The following PRKD1 variants were observed in gnomAD, a reference collection of about 807,000 sequenced individuals.
PRKD1 encodes the protein serine/threonine-protein kinase D1.
In PRKD1, 63 loss-of-function variants were observed where a neutral mutation model predicts 95.9. The ratio of observed to expected loss-of-function variants is 0.66; its 90% confidence interval spans 0.54 to 0.81. The LOEUF is 0.81. Among genes scored for constraint, PRKD1 ranks in the 30% least tolerant of loss-of-function variants. PRKD1 has a pLI of 0.00. For synonymous variants in PRKD1, 425 were observed against 423.1 expected, an observed-to-expected ratio of 1.00 and a Z score of -0.05; for missense variants, 1,048 against 1,165.3, an observed-to-expected ratio of 0.90 and a Z score of 1.47.
At chr14:29,676,391 T>C (rs1340740898) in intron 2 of PRKD1, among the ~76,000 whole-genome samples, 3 of 152,006 alleles carry the variant, frequency 2.0e-5, no homozygotes, top group Admixed American at 2.0e-4. Flanking sequence ...AGTCTCGCTA[T>C]GTCGCCAGGC....
At chr14:29,628,929 T>C (rs1399075965) in intron 11 of PRKD1, 112 bp downstream of exon 11, 1 of 660,990 alleles carries the variant, frequency 1.5e-6, no homozygotes, top group Non-Finnish European at 2.3e-6. Flanking sequence ...AATTCTATTT[T>C]GCTTTCCAAA....
intron 1 of PRKD1, among the ~76,000 whole-genome samples, chr14:29,802,608 C>T (rs1036307883): frequency 1.3e-5 from 2 of 152,166 alleles, no homozygotes; most frequent in Non-Finnish European, 2.9e-5. Context: ...TAAAGGAGAA[C>T]TGTAATTCAG....
intron 1 of PRKD1, among the ~76,000 whole-genome samples, chr14:29,925,325 A>G (rs958042898): frequency 2.0e-5 from 3 of 152,192 alleles, no homozygotes; most frequent in Admixed American, 6.5e-5. Flanking sequence ...TAAAACCTCC[A>G]TACAGCAAAT....
At chr14:29,806,470 A>C (rs1890239014) in intron 1 of PRKD1, among the ~76,000 whole-genome samples, 1 of 152,174 alleles carries the variant, frequency 6.6e-6, no homozygotes, top group South Asian at 2.1e-4. Context: ...AAAATACAAC[A>C]AGTAGATCCA....
chr14:29,592,991 C>T (rs1028699905), intron 16 of PRKD1, among the ~76,000 whole-genome samples: 3 of 152,206 alleles, frequency 2.0e-5, no homozygotes, highest in Non-Finnish European at 1.5e-5. Flanking sequence ...AGAGCATCTG[C>T]CTTGGAGCCA....
chr14:29,887,008 A>G (rs1376063520), intron 1 of PRKD1, among the ~76,000 whole-genome samples: 1 of 152,212 alleles, frequency 6.6e-6, no homozygotes, highest in Non-Finnish European at 1.5e-5. Context: ...GCACATCTCA[A>G]TGGCACATCT....
chr14:29,684,593 CTA>C (rs1319992065), intron 2 of PRKD1, among the ~76,000 whole-genome samples: 1 of 152,126 alleles, frequency 6.6e-6, no homozygotes, highest in Non-Finnish European at 1.5e-5. Flanking sequence ...TCTTCAGATT[CTA>C]AATGAAATCA....
At chr14:29,926,916 T>C (rs1345498955) in intron 1 of PRKD1, among the ~76,000 whole-genome samples, 1 of 151,290 alleles carries the variant, frequency 6.6e-6, no homozygotes, top group Non-Finnish European at 1.5e-5. Flanking sequence ...GGAAGAAAAC[T>C]GGGAAGTCTC....
chr14:29,908,510 C>T lies in PRKD1; in HGVS notation c.264+18739G>A, dbSNP rs1466631163. Reference sequence around the variant, plus strand: ...CTATGTTGGCCAGGCTGGTCTCGAACTTCTGACCTCATGATCCGCCCGCCT... The same window carrying T: ...CTATGTTGGCCAGGCTGGTCTCGAATTTCTGACCTCATGATCCGCCCGCCT... On this transcript the variant is annotated intron_variant, in intron 1 of 17. Transcript: ENST00000331968. 3.3e-5 allele frequency among the ~76,000 whole-genome samples: 5 copies of T among 152,286 alleles called. No individual in the cohort carries two copies. In the South Asian group the frequency reaches 1.0e-3, roughly 32 times the overall value.
At chr14:29,737,166 C>CA (rs1481569153) in intron 1 of PRKD1, among the ~76,000 whole-genome samples, 9 of 149,434 alleles carry the variant, frequency 6.0e-5, no homozygotes, top group African/African-American at 2.2e-4. Context: ...ACTAAAAATA[C>CA]AAAAAATTAG....
At chr14:29,876,825 G>T (rs1337705167) in intron 1 of PRKD1, among the ~76,000 whole-genome samples, 1 of 152,122 alleles carries the variant, frequency 6.6e-6, no homozygotes, top group African/African-American at 2.4e-5. Context: ...AAAGATGTCT[G>T]CAATCATTAG....
intron 2 of PRKD1, among the ~76,000 whole-genome samples, chr14:29,724,354 C>T (rs1594460650): frequency 6.6e-6 from 1 of 152,256 alleles, no homozygotes; most frequent in East Asian, 1.9e-4. Flanking sequence ...AGAACTGATC[C>T]AGTGCATGAT....
intron 1 of PRKD1, among the ~76,000 whole-genome samples, chr14:29,872,512 C>T (rs539140400): frequency 2.4e-4 from 36 of 151,986 alleles, no homozygotes; most frequent in Admixed American, 2.2e-3. Flanking sequence ...ATTAGCCGGG[C>T]ATGGTGGCTT....
Position 29,878,606 on chromosome 14 carries a change from A to T in PRKD1, c.264+48643T>A, listed in dbSNP as rs1027618820. ...GAATGAAGTTCTGATACATGCTACAACATGGATGAGCCTTGAAAACATTAC... is the reference window on the plus strand; with the variant it reads ...GAATGAAGTTCTGATACATGCTACATCATGGATGAGCCTTGAAAACATTAC... On this transcript the variant is annotated intron_variant, in intron 1 of 17. Transcript: ENST00000331968. 2.0e-5 allele frequency among the ~76,000 whole-genome samples: 3 copies of T among 152,360 alleles called. No individual in the cohort carries two copies. In the East Asian group the frequency reaches 5.8e-4, roughly 29 times the overall value.
intron 1 of PRKD1, among the ~76,000 whole-genome samples, chr14:29,923,810 G>GGA (rs1555357223): frequency 5.0e-5 from 5 of 99,990 alleles, no homozygotes; most frequent in Non-Finnish European, 8.4e-5. Flanking sequence ...CTCATTTGAG[G>GGA]AAAAAAAAAA....
chr14:29,916,710 T>C (rs1894902111), intron 1 of PRKD1, among the ~76,000 whole-genome samples: 1 of 152,228 alleles, frequency 6.6e-6, no homozygotes, highest in African/African-American at 2.4e-5. Flanking sequence ...AATGCAAAGA[T>C]GATACCAGCT....
intron 4 of PRKD1, among the ~76,000 whole-genome samples, chr14:29,641,354 C>T (rs1880750378): frequency 6.6e-6 from 1 of 152,164 alleles, no homozygotes; most frequent in Admixed American, 6.5e-5. Flanking sequence ...CCTTTTCTTA[C>T]AGTCTGAAAT....
At chr14:29,711,463 T>C (rs1290317653) in intron 2 of PRKD1, among the ~76,000 whole-genome samples, 1 of 152,146 alleles carries the variant, frequency 6.6e-6, no homozygotes, top group Non-Finnish European at 1.5e-5. Context: ...AATAATGTTG[T>C]GGGGTTTCTT....
intron 1 of PRKD1, among the ~76,000 whole-genome samples, chr14:29,901,122 T>C (rs1019791803): frequency 3.3e-5 from 5 of 152,154 alleles, no homozygotes; most frequent in African/African-American, 1.2e-4. Flanking sequence ...ATAAAGAAAA[T>C]GTGGTACATT....
Sources: gnomAD v4.1 joint callset for allele counts (sites outside exome capture counted in the v4.1 genomes callset) on GRCh38, gnomAD v4.1.1 for gene constraint, MANE v1.5 for transcripts, NCBI Gene and HGNC (gene_info 2026-07-23, HGNC 2026-07-21) for gene names.